Variants in SMC6 observed in about 807,000 individuals in gnomAD.
SMC6 encodes structural maintenance of chromosomes 6.
In SMC6, 79 loss-of-function variants were observed where a neutral mutation model predicts 142.2. The ratio of observed to expected loss-of-function variants is 0.56; its 90% CI spans 0.46 to 0.67. The LOEUF is 0.67. Among genes scored for constraint, SMC6 ranks in the 30% least tolerant of loss-of-function variants. SMC6 has a pLI of 0.00. For missense variants in SMC6, 1,072 were observed against 1,284.0 expected, an observed-to-expected ratio of 0.83 and a Z score of 2.52; for synonymous variants, 411 against 412.4, an observed-to-expected ratio of 1.00 and a Z score of 0.04.
At chr2:17,736,859 G>T (rs1558375498) in intron 5 of SMC6, among the ~76,000 whole-genome samples, 1 of 144,540 alleles carries the variant, frequency 6.9e-6, no homozygotes, top group Non-Finnish European at 1.5e-5. Context: ...GTGACAGAGT[G>T]AGACTCTGTC....
intron 18 of SMC6, among the ~76,000 whole-genome samples, chr2:17,704,525 G>A (rs1261882748): frequency 6.6e-6 from 1 of 152,148 alleles, no homozygotes; most frequent in Admixed American, 6.5e-5. Context: ...TGTGCTTGGT[G>A]GAAGAGAACT....
At chr2:17,687,226 G>A (rs1042606191) in intron 23 of SMC6, among the ~76,000 whole-genome samples, 1 of 152,156 alleles carries the variant, frequency 6.6e-6, no homozygotes, top group African/African-American at 2.4e-5. Context: ...ACAGATTCGA[G>A]CACTTATATG....
At chr2:17,714,200 A>T (rs560575505) in intron 16 of SMC6, among the ~76,000 whole-genome samples, 4 of 151,080 alleles carry the variant, frequency 2.6e-5, no homozygotes, top group South Asian at 4.2e-4. Flanking sequence ...GGCTCAAGCG[A>T]TTCTCCCACC....
At position 17,670,551 on chromosome 2, in the gene SMC6, C is replaced by G. The variant is rs1188833354; in HGVS notation, c.2935G>C (p.Ala979Pro). Residue 979 changes from alanine to proline, a missense_variant, in exon 26 of 28, where the codon GCT becomes CCT. Ala to Pro is a conservative substitution (Grantham distance 27). Transcript: ENST00000448223. Reference sequence around the variant, plus strand: ...AAGGCTCTCATGTCATTGAAAGCAGCTTTATTTCCTTCTCCAGGCTGAACC... The same window carrying G: ...AAGGCTCTCATGTCATTGAAAGCAGGTTTATTTCCTTCTCCAGGCTGAACC... The part of the protein sequence containing the change: ...ISVQPGEGNK[A>P]AFNDMRALSG... The G allele has an allele frequency of 1.9e-6, 3 of 1,576,192 alleles. No homozygotes were observed. In the Admixed American group the frequency reaches 6.1e-5, roughly 32 times the overall value.
chr2:17,738,998 T>TATTG (rs111985975), intron 4 of SMC6, among the ~76,000 whole-genome samples: 22,268 of 152,016 alleles, frequency 0.15, 2,065 homozygotes, highest in African/African-American at 0.27. Context: ...TGGACAGGAA[T>TATTG]ATTGTCTCTT....
chr2:17,681,746 G>C (rs1348816197), intron 24 of SMC6: 1 of 152,106 alleles, frequency 6.6e-6, no homozygotes, highest in Non-Finnish European at 1.5e-5. Context: ...AAAGATCACT[G>C]ATGACAGATC....
At chr2:17,726,247 T>C (rs1457866217) in intron 8 of SMC6, 142 bp downstream of exon 8, 7 of 496,548 alleles carry the variant, frequency 1.4e-5, no homozygotes, top group Middle Eastern at 5.6e-4. Context: ...AATTTCCTAA[T>C]CTAGGAAATT....
intron 9 of SMC6, among the ~76,000 whole-genome samples, chr2:17,721,596 G>A (rs933111366): frequency 6.6e-6 from 1 of 152,030 alleles, no homozygotes; most frequent in Non-Finnish European, 1.5e-5. Flanking sequence ...ATGATGGTCT[G>A]TTCCTCAAAG....
intron 3 of SMC6, among the ~76,000 whole-genome samples, chr2:17,745,373 T>TA (rs1352652114): frequency 2.0e-5 from 3 of 152,192 alleles, no homozygotes; most frequent in Non-Finnish European, 4.4e-5. Flanking sequence ...ATCTCCTTAG[T>TA]AGTTATAGGG....
At chr2:17,732,866 A>C (rs1669977177) in intron 5 of SMC6, among the ~76,000 whole-genome samples, 2 of 152,168 alleles carry the variant, frequency 1.3e-5, no homozygotes, top group South Asian at 4.1e-4. Flanking sequence ...AGTTTTAAAG[A>C]TGTTTTAGGG....
At chr2:17,726,347 A>G in intron 8 of SMC6, 42 bp downstream of exon 8, 1 of 1,489,064 alleles carries the variant, frequency 6.7e-7, no homozygotes, top group African/African-American at 1.4e-5. Context: ...GCCTAAAGGT[A>G]TTCTTTTTAA....
chr2:17,734,830 CA>C (rs1373606047), intron 5 of SMC6, among the ~76,000 whole-genome samples: 2 of 152,130 alleles, frequency 1.3e-5, no homozygotes, highest in Non-Finnish European at 2.9e-5. Flanking sequence ...CTCCCAGGTT[CA>C]AATGATTCTC....
intron 8 of SMC6, among the ~76,000 whole-genome samples, chr2:17,726,075 A>C (rs1270401048): frequency 7.9e-6 from 1 of 126,216 alleles, no homozygotes; most frequent in Admixed American, 8.2e-5. Context: ...AAGACAGAGC[A>C]AGGCTCTGTC....
intron 15 of SMC6, among the ~76,000 whole-genome samples, chr2:17,715,851 T>A (rs1669059295): frequency 6.6e-6 from 1 of 152,214 alleles, no homozygotes; most frequent in Non-Finnish European, 1.5e-5. Context: ...TTCATTCATT[T>A]ATTCAGAAAA....
intron 7 of SMC6, among the ~76,000 whole-genome samples, chr2:17,728,082 T>C (rs1030426382): frequency 4.6e-5 from 7 of 152,236 alleles, no homozygotes; most frequent in Admixed American, 3.9e-4. Flanking sequence ...TTCATTTCTC[T>C]ATACCTTTTT....
intron 16 of SMC6, chr2:17,713,547 C>T: frequency 2.1e-6 from 1 of 471,032 alleles, no homozygotes; most frequent in Non-Finnish European, 4.4e-6. Flanking sequence ...CAGAGCAGGC[C>T]CCACCAGAAT....
chr2:17,678,172 A>C (rs1667084921), intron 25 of SMC6, among the ~76,000 whole-genome samples: 1 of 152,172 alleles, frequency 6.6e-6, no homozygotes, highest in African/African-American at 2.4e-5. Context: ...AGTGGGGAAG[A>C]ACCATCTTTG....
In SMC6 at chr2:17,665,471, A is replaced by G. The variant is rs762890639; in HGVS notation, c.*28T>C. ...TTTTTCCCTTCACAAATCCTTCAAC[A>G]TCAGGACAAGGCATGTTAAGTTACA... On this transcript the variant is annotated 3_prime_UTR_variant, in exon 28 of 28. Transcript: ENST00000448223. 13 of 1,520,178 alleles carry G rather than the reference A, an allele frequency of 8.6e-6. 1 individual carries two copies. In the South Asian group the frequency reaches 1.6e-4, roughly 18 times the overall value. 94.2% of individuals were successfully genotyped at this position (1,520,178 alleles called of 1,614,324 possible).
intron 3 of SMC6, among the ~76,000 whole-genome samples, chr2:17,745,469 T>G (rs1255444194): frequency 1.3e-5 from 2 of 152,170 alleles, no homozygotes; most frequent in Non-Finnish European, 2.9e-5. Context: ...AGTTGTCAAA[T>G]TTATGTGTGT....
Sources: gnomAD v4.1 joint callset for allele counts (sites outside exome capture counted in the v4.1 genomes callset) on GRCh38, gnomAD v4.1.1 for gene constraint, MANE v1.5 for transcripts, NCBI Gene and HGNC (gene_info 2026-07-23, HGNC 2026-07-21) for gene names.